PCDHA11: variants seen among roughly 807,000 people sequenced by gnomAD.
PCDHA11 encodes protocadherin alpha-11.
Under a neutral mutation model 70.3 loss-of-function variants are expected in PCDHA11, and 61 were observed. The observed-to-expected ratio is 0.87, with a 90% CI of 0.71 to 1.07. The LOEUF (loss-of-function observed/expected upper bound fraction) is 1.07. Among genes scored for constraint, PCDHA11 ranks in the 50% least tolerant of loss-of-function variants. PCDHA11 has a pLI of 0.00. For missense variants in PCDHA11, 1,324 were observed against 1,237.5 expected, an observed-to-expected ratio of 1.07 and a Z score of -1.05; for synonymous variants, 633 against 555.1, an observed-to-expected ratio of 1.14 and a Z score of -1.97.
intron 1 of PCDHA11, chr5:140,967,795 G>A (rs1399903836): frequency 3.1e-6 from 5 of 1,614,068 alleles, no homozygotes; most frequent in Non-Finnish European, 1.7e-6. Context: ...GGGGTCCAGT[G>A]CCCATGGCAG....
intron 1 of PCDHA11, chr5:140,929,493 A>G: frequency 9.4e-7 from 1 of 1,059,368 alleles, no homozygotes; most frequent in Non-Finnish European, 1.3e-6. Flanking sequence ...GTATTAGAAG[A>G]TTGCCCTAGG....
intron 3 of PCDHA11, among the ~76,000 whole-genome samples, chr5:140,992,500 A>C (rs1205902091): frequency 6.6e-6 from 1 of 152,222 alleles, no homozygotes; most frequent in Non-Finnish European, 1.5e-5. Context: ...GTAAGGATTC[A>C]ATCCTGGGGC....
Position 141,010,435 on chromosome 5 carries a change from A to C in PCDHA11, c.*498A>C. 1 of 1,039,068 alleles carries C rather than the reference A, an allele frequency of 9.6e-7. No individual in the cohort carries two copies. The highest frequency in any genetic ancestry group is 1.4e-6 in the Non-Finnish European group (1 of 739,892). The allele number at this position is 1,039,068 out of a possible 1,614,324, so 64.4% of individuals were successfully genotyped here. A position where few individuals can be genotyped will look rare whatever the true frequency, so the allele number is the denominator to read the frequency against. On this transcript the variant is annotated 3_prime_UTR_variant, in exon 4 of 4. Transcript: ENST00000398640. ...TGGTACAAGGAAGGCAAGAAAACAA[A>C]GACAAATAAACAGCGGAAGTTATCA...
intron 1 of PCDHA11, among the ~76,000 whole-genome samples, chr5:140,950,382 A>G (rs1424724989): frequency 3.3e-5 from 5 of 151,950 alleles, no homozygotes; most frequent in African/African-American, 7.2e-5. Context: ...CTTCCATTTG[A>G]ATGATATAGA....
chr5:140,993,363 C>T (rs925225156), intron 3 of PCDHA11, among the ~76,000 whole-genome samples: 1 of 151,918 alleles, frequency 6.6e-6, no homozygotes, highest in Non-Finnish European at 1.5e-5. Context: ...CTCACAAAAA[C>T]TACCTCCCAG....
chr5:140,989,775 C>G (rs1286076429), intron 3 of PCDHA11, among the ~76,000 whole-genome samples: 1 of 152,178 alleles, frequency 6.6e-6, no homozygotes, highest in Non-Finnish European at 1.5e-5. Flanking sequence ...CAAGCACTGG[C>G]TAGAGACTAG....
intron 1 of PCDHA11, among the ~76,000 whole-genome samples, chr5:140,903,652 T>C (rs1304934693): frequency 6.6e-6 from 1 of 152,234 alleles, no homozygotes; most frequent in Non-Finnish European, 1.5e-5. Context: ...ATACATATAT[T>C]ATAAATTTAA....
At chr5:140,968,660 C>T in intron 1 of PCDHA11, 1 of 1,614,166 alleles carries the variant, frequency 6.2e-7, no homozygotes, top group Non-Finnish European at 8.5e-7. Flanking sequence ...TGACCTGGAC[C>T]TCTTTAAGGT....
intron 3 of PCDHA11, among the ~76,000 whole-genome samples, chr5:140,987,487 C>A (rs868928905): frequency 6.6e-6 from 1 of 152,154 alleles, no homozygotes; most frequent in Non-Finnish European, 1.5e-5. Flanking sequence ...GTCAGTGACC[C>A]TTTCTGAATT....
At chr5:140,879,743 C>A (rs553188333) in intron 1 of PCDHA11, among the ~76,000 whole-genome samples, 2 of 152,274 alleles carry the variant, frequency 1.3e-5, no homozygotes, top group South Asian at 2.1e-4. Context: ...AAGGTGTTGT[C>A]AAGGCTATAC....
rs190430267 is a variant in PCDHA11 at position 140,870,766 on chromosome 5, C to A, written c.1663C>A (p.Leu555Met). The A allele has an allele frequency of 3.4e-4, 554 of 1,613,562 alleles. 3 individuals are homozygous for A. The African/African-American group carries it at 6.6e-3, about 19-fold the overall frequency. The change falls in exon 1 of 4, where the codon CTG (leucine) becomes ATG (methionine). Residue 555 changes from leucine (L) to methionine (M), a missense_variant. Physicochemically the swap from Leu to Met is conservative, Grantham distance 15. Coordinates refer to ENST00000398640, the MANE Select transcript of PCDHA11 (RefSeq NM_018902.5). ...SSNVTLQVFVLDENDNAPALL... is the reference protein window; with the variant it reads ...SSNVTLQVFVMDENDNAPALL... ...CAACGTGACGCTGCAGGTGTTCGTG[C>A]TGGACGAGAACGACAACGCGCCGGC...
At chr5:140,979,035 G>A in intron 2 of PCDHA11, 28 bp downstream of exon 2, 1 of 1,612,986 alleles carries the variant, frequency 6.2e-7, no homozygotes, top group Non-Finnish European at 8.5e-7. Flanking sequence ...CATTCACTCA[G>A]AAGTAACCTT....
chr5:140,916,276 C>T (rs1012702427), intron 1 of PCDHA11, among the ~76,000 whole-genome samples: 4 of 152,192 alleles, frequency 2.6e-5, no homozygotes, highest in African/African-American at 7.2e-5. Flanking sequence ...GCTTGTTGCT[C>T]TACTCCACGT....
intron 1 of PCDHA11, among the ~76,000 whole-genome samples, chr5:140,971,657 G>A (rs961666289): frequency 1.3e-5 from 2 of 151,992 alleles, no homozygotes; most frequent in African/African-American, 4.8e-5. Flanking sequence ...AAGTAGATGG[G>A]AATTAGAGAG....
rs577527606 is a variant in PCDHA11 at position 140,882,595 on chromosome 5, C to A, written c.2391+11101C>A. 3.7e-6 allele frequency: 6 copies of A among 1,614,204 alleles called. No individual in the cohort carries two copies. The African/African-American group carries it at 8.0e-5, about 22-fold the overall frequency. On this transcript the variant is annotated intron_variant, in intron 1 of 3. Coordinates refer to ENST00000398640, the MANE Select transcript of PCDHA11 (RefSeq NM_018902.5). ...AGTGCAGCATCCACCTGGAGGTGAT[C>A]GTGGACAGGCCTCTGCAGGTTTTCC...
rs782592982 is a variant in PCDHA11, at chr5:140,870,243, C to T, written c.1140C>T (p.Val380=). 6.2e-7 allele frequency: 1 copy of T among 1,614,178 alleles called. No homozygotes were observed. Among genetic ancestry groups the T allele is most frequent in the South Asian group, 1.1e-5 (1 of 91,092 alleles). Reference sequence around the variant, plus strand: ...GCGTGTCTGACCGTGACTCAGGTGTCAACGGACAGGTGACCTGCTCGCTGA... The same window carrying T: ...GCGTGTCTGACCGTGACTCAGGTGTTAACGGACAGGTGACCTGCTCGCTGA... ...LISVSDRDSG[V]NGQVTCSLTP... Residue 380 remains valine, a synonymous_variant, in exon 1 of 4, where the codon GTC becomes GTT. Transcript: ENST00000398640.
chr5:140,960,628 T>C (rs1474502656), intron 1 of PCDHA11, among the ~76,000 whole-genome samples: 1 of 152,192 alleles, frequency 6.6e-6, no homozygotes, highest in Non-Finnish European at 1.5e-5. Context: ...TTTTGAAATA[T>C]ATTTTTAAAA....
At chr5:140,936,762 G>A (rs190223178) in intron 1 of PCDHA11, among the ~76,000 whole-genome samples, 224 of 152,210 alleles carry the variant, frequency 1.5e-3, no homozygotes, top group Non-Finnish European at 2.6e-3. Context: ...ATATCTAATT[G>A]TGTAAGTTCT....
At chr5:140,915,814 A>G (rs2077313905) in intron 1 of PCDHA11, among the ~76,000 whole-genome samples, 1 of 152,102 alleles carries the variant, frequency 6.6e-6, no homozygotes, top group African/African-American at 2.4e-5. Flanking sequence ...TGTTCACTCA[A>G]GGCCCTAGGG....
Sources: gnomAD v4.1 joint callset for allele counts (sites outside exome capture counted in the v4.1 genomes callset) on GRCh38, gnomAD v4.1.1 for gene constraint, MANE v1.5 for transcripts, NCBI Gene and HGNC (gene_info 2026-07-23, HGNC 2026-07-21) for gene names.